The following ADGRF3 variants were observed in gnomAD, a reference collection of about 807,000 sequenced individuals.
ADGRF3 encodes the protein G protein-coupled receptor 113.
In ADGRF3, 85 loss-of-function variants were observed where a neutral mutation model predicts 93.2. The ratio of observed to expected loss-of-function variants is 0.91; its 90% CI spans 0.77 to 1.09. The LOEUF is 1.09. Among genes scored for constraint, ADGRF3 ranks in the 50% least tolerant of loss-of-function variants. The pLI is 0.00. For missense variants in ADGRF3, 1,125 were observed against 1,246.2 expected (o/e 0.90, Z 1.46); for synonymous variants, 534 against 532.5 (o/e 1.00, Z -0.04).
At chr2:26,344,051 ACAAT>A (rs769544354) in intron 1 of ADGRF3, among the ~76,000 whole-genome samples, 6 of 148,616 alleles carry the variant, frequency 4.0e-5, no homozygotes, top group Non-Finnish European at 8.8e-5. Flanking sequence ...GAACTGATAA[ACAAT>A]AAGTGCAGTT....
intron 1 of ADGRF3, 31 bp from the exon 2 acceptor site, chr2:26,317,593 G>A (rs1674815519): frequency 1.9e-6 from 3 of 1,554,210 alleles, no homozygotes; most frequent in Non-Finnish European, 1.7e-6. Flanking sequence ...GAGACCTCAA[G>A]TCCCTTCCAA....
chr2:26,329,227 G>A (rs1030345419), intron 1 of ADGRF3, among the ~76,000 whole-genome samples: 6 of 152,080 alleles, frequency 3.9e-5, no homozygotes, highest in Admixed American at 6.6e-5. Flanking sequence ...CCTTGACCTC[G>A]TGGGCTCAAG....
Position 26,311,286 on chromosome 2 carries a change from G to A in ADGRF3, c.2238C>T (p.Asn746=), listed in dbSNP as rs780420036. 1 of 1,613,838 alleles carries A rather than the reference G, an allele frequency of 6.2e-7. No individual in the cohort carries two copies. Among genetic ancestry groups the A allele is most frequent in the South Asian group, 1.1e-5 (1 of 91,068 alleles). Residue 746 remains asparagine, a synonymous_variant, in exon 10 of 14, where the codon AAC becomes AAT. Coordinates refer to ENST00000651242, the MANE Select transcript of ADGRF3 (RefSeq NM_001321971.2). The part of the protein sequence containing the change: ...ISYFRHAALL[N]MVFCLLAADT... ...CTGCGGCCAGCAAGCAGAACACCAT[G>A]TTGAGCAGGGCGGCGTGGCGGAAAT...
chr2:26,340,521 A>G (rs1258571129), intron 1 of ADGRF3: 2 of 152,196 alleles, frequency 1.3e-5, no homozygotes, highest in Non-Finnish European at 2.9e-5. Context: ...TTCAAACTGA[A>G]ATTAAAAAAG....
chr2:26,308,337 A>G lies in ADGRF3; in HGVS notation c.*749T>C, dbSNP rs1457306175. ...CTGTCATCTTCCTCTTGTGAATTCC[A>G]TAAGTTAATTCAGCCAGATAGATAT... is the stretch of plus-strand genomic sequence containing the variant. On this transcript the variant is annotated 3_prime_UTR_variant, in exon 14 of 14. Coordinates refer to ENST00000651242, the MANE Select transcript of ADGRF3 (RefSeq NM_001321971.2). 2 of 152,172 alleles carry G rather than the reference A, an allele frequency of 1.3e-5. No individual in the cohort carries two copies. Among genetic ancestry groups the G allele is most frequent in the African/African-American group, 4.8e-5 (2 of 41,460 alleles). 9.4% of individuals were successfully genotyped at this position (152,172 alleles called of 1,614,324 possible). A position where few individuals can be genotyped will look rare whatever the true frequency, so the allele number is the denominator to read the frequency against.
In ADGRF3 at chr2:26,316,255, A is replaced by G; in HGVS notation, c.499+20T>C. The stretch of plus-strand genomic sequence containing the variant: ...ATTTCACTTAAGGCCATTGGTTTCC[A>G]AGTTCCCAACCTTCCTCACCAGGTG... On this transcript the variant is annotated intron_variant, in intron 4 of 13. Transcript: ENST00000651242. The G allele has an allele frequency of 6.5e-7, 1 of 1,548,094 alleles. No individual in the cohort carries two copies. Among genetic ancestry groups the G allele is most frequent in the Non-Finnish European group, 8.7e-7 (1 of 1,145,426 alleles).
chr2:26,327,195 G>C (rs1412575456), intron 1 of ADGRF3, among the ~76,000 whole-genome samples: 1 of 152,208 alleles, frequency 6.6e-6, no homozygotes, highest in Non-Finnish European at 1.5e-5. Context: ...GAGAGTCTGG[G>C]GTTGGGCCTA....
At chr2:26,319,565 CCCTTCCTTCCTTCCTTCCTTCCTTCCTT>C (rs1221160490) in intron 1 of ADGRF3, among the ~76,000 whole-genome samples, 2 of 48,136 alleles carry the variant, frequency 4.2e-5, no homozygotes, top group African/African-American at 1.6e-4. Flanking sequence ...CTCCCTCCCT[CCCTTCCTTCCTTCCTTCCTTCCTTCCTT>C]CCTTCCTTCC....
chr2:26,310,010 T>A, intron 12 of ADGRF3, 33 bp downstream of exon 12: 1 of 1,614,086 alleles, frequency 6.2e-7, no homozygotes, highest in Non-Finnish European at 8.5e-7. Context: ...TGCTCTTGGA[T>A]GCACAGCTGA....
intron 1 of ADGRF3, among the ~76,000 whole-genome samples, chr2:26,337,035 A>T (rs1676095154): frequency 1.3e-5 from 2 of 152,218 alleles, no homozygotes; most frequent in Non-Finnish European, 2.9e-5. Context: ...AAAGTGATCT[A>T]GGTGTAAGTC....
At chr2:26,335,408 T>C (rs1373697424) in intron 1 of ADGRF3, among the ~76,000 whole-genome samples, 1 of 152,228 alleles carries the variant, frequency 6.6e-6, no homozygotes, top group Admixed American at 6.5e-5. Context: ...GACACACACA[T>C]TTTATTTATC....
At chr2:26,341,116 C>A (rs150840013) in intron 1 of ADGRF3, among the ~76,000 whole-genome samples, 8 of 152,156 alleles carry the variant, frequency 5.3e-5, no homozygotes, top group Non-Finnish European at 1.0e-4. Context: ...AGGTGGCTCA[C>A]GCCTGTAATC....
chr2:26,316,366 G>T lies in ADGRF3; in HGVS notation c.408C>A (p.Tyr136Ter). The T allele has an allele frequency of 6.4e-7, 1 of 1,551,874 alleles. No homozygotes were observed. Among genetic ancestry groups the T allele is most frequent in the Non-Finnish European group, 8.7e-7 (1 of 1,147,008 alleles). ...GGTTGTGGAGGCTTTGACAAGGAGG[G>T]TAATGGAGGCAGATGCTGGTGTTCC... is the stretch of plus-strand genomic sequence containing the variant. ...YQWNTSICLH[Y>*]PPCQSLHNHQ... is the part of the protein sequence containing the mutation. The change falls in exon 4 of 14, where the codon TAC (tyrosine) becomes TAA (stop). Residue 136 changes from tyrosine (Y) to a stop codon, truncating the protein, a stop_gained. Transcript: ENST00000651242. LOFTEE classifies it high-confidence loss of function.
intron 1 of ADGRF3, among the ~76,000 whole-genome samples, chr2:26,326,323 T>C (rs916551500): frequency 3.3e-5 from 5 of 152,180 alleles, no homozygotes; most frequent in African/African-American, 1.2e-4. Context: ...GGATATATTC[T>C]GGTTCTCTGG....
At chr2:26,335,344 G>T (rs982996945) in intron 1 of ADGRF3, among the ~76,000 whole-genome samples, 4 of 152,146 alleles carry the variant, frequency 2.6e-5, no homozygotes, top group Admixed American at 2.6e-4. Flanking sequence ...TTTCAAGTTC[G>T]TGCTGTAGCA....
Position 26,313,517 on chromosome 2 carries a change from C to A in ADGRF3, c.1129G>T (p.Ala377Ser), listed in dbSNP as rs751303414. The change falls in exon 8 of 14, where the codon GCT becomes TCT. Residue 377 changes from alanine (A) to serine (S), a missense_variant. Ala to Ser is a moderately conservative substitution (Grantham distance 99). Coordinates refer to ENST00000651242, the MANE Select transcript of ADGRF3 (RefSeq NM_001321971.2). Reference sequence around the variant, plus strand: ...CATGGGGCCTGTGCCACGTGGCCAGCCTTGGTGACATTCCAGGTGAGCACC... The same window carrying A: ...CATGGGGCCTGTGCCACGTGGCCAGACTTGGTGACATTCCAGGTGAGCACC... ...ASVLTWNVTK[A>S]GHVAQAPCPE... The A allele has an allele frequency of 2.5e-6, 4 of 1,611,896 alleles. No homozygotes were observed. In the South Asian group the frequency reaches 4.4e-5, roughly 18 times the overall value.
rs570578134 is a variant in ADGRF3 at position 26,312,956 on chromosome 2, C to T, written c.1436G>A (p.Arg479His). 2.8e-5 allele frequency: 45 copies of T among 1,610,674 alleles called. No individual in the cohort carries two copies. The highest frequency in any genetic ancestry group is 1.7e-4 in the Middle Eastern group (1 of 6,028). Residue 479 changes from arginine to histidine, a missense_variant, in exon 9 of 14, where the codon CGC (arginine) becomes CAC (histidine). Transcript: ENST00000651242. ...CAGAGATCTCACCTTCAGGGCTCTG[C>T]GGTCAAGCTGTATTCTGGCCTCTGC... ...VVAEARIQLD[R>H]RALKNLLIAT...
chr2:26,317,524 C>A lies in ADGRF3; in HGVS notation c.153G>T (p.Gln51His). The A allele has an allele frequency of 6.3e-7, 1 of 1,589,604 alleles. No individual in the cohort carries two copies. The highest frequency in any genetic ancestry group is 8.6e-7 in the Non-Finnish European group (1 of 1,168,328). Residue 51 changes from glutamine to histidine, a missense_variant, in exon 2 of 14, where the codon CAG (glutamine) becomes CAT (histidine). Transcript: ENST00000651242. Reference protein sequence around the residue: ...SQAGGESGSGQLLDQENGAGE... With the variant: ...SQAGGESGSGHLLDQENGAGE... Reference sequence around the variant, plus strand: ...CTGCTCCATTCTCTTGGTCCAGGAGCTGCCCAGATCCAGATTCCCCTCCAG... The same window carrying A: ...CTGCTCCATTCTCTTGGTCCAGGAGATGCCCAGATCCAGATTCCCCTCCAG...
chr2:26,328,476 C>T (rs1172471006), intron 1 of ADGRF3, among the ~76,000 whole-genome samples: 10 of 131,596 alleles, frequency 7.6e-5, no homozygotes, highest in South Asian at 2.5e-4. Context: ...TTTTTTGAGA[C>T]GGAGTCTCGC....
Sources: gnomAD v4.1 joint callset for allele counts (sites outside exome capture counted in the v4.1 genomes callset) on GRCh38, gnomAD v4.1.1 for gene constraint, MANE v1.5 for transcripts, NCBI Gene and HGNC (gene_info 2026-07-23, HGNC 2026-07-21) for gene names.